The following ARMC10 variants were observed in gnomAD, a reference collection of about 807,000 sequenced individuals.
The protein encoded by ARMC10 is armadillo repeat-containing protein 10.
ARMC10 carries 23 observed loss-of-function variants against 30.2 expected under a neutral mutation model. That is an observed-to-expected ratio of 0.76 (90% CI 0.55 to 1.08). The LOEUF (loss-of-function observed/expected upper bound fraction) is 1.08. ARMC10 is among the 50% of genes least tolerant of loss of function. The pLI is 0.00. For missense variants in ARMC10, 303 were observed against 413.7 expected (o/e 0.73, Z 2.32); for synonymous variants, 111 against 164.4 (o/e 0.68, Z 2.48).
At chr7:103,086,987 G>T in intron 4 of ARMC10, 1 of 1,270,840 alleles carries the variant, frequency 7.9e-7, no homozygotes, top group Non-Finnish European at 1.0e-6. Flanking sequence ...TATTCTACAG[G>T]TTATCCTCTA....
chr7:103,078,079 G>A (rs1291021459), intron 2 of ARMC10, among the ~76,000 whole-genome samples: 3 of 151,938 alleles, frequency 2.0e-5, no homozygotes, highest in East Asian at 1.9e-4. Flanking sequence ...CACTGCAACC[G>A]CCACCTCATG....
At chr7:103,079,421 G>C (rs1180273536) in intron 2 of ARMC10, among the ~76,000 whole-genome samples, 4 of 152,192 alleles carry the variant, frequency 2.6e-5, no homozygotes, top group Non-Finnish European at 4.4e-5. Flanking sequence ...AGTTGATCAA[G>C]TACATCCATC....
At chr7:103,092,443 T>G in intron 4 of ARMC10, 34 bp from the exon 5 acceptor site, 3 of 1,504,530 alleles carry the variant, frequency 2.0e-6, no homozygotes, top group Non-Finnish European at 2.7e-6. Context: ...ATTTTGGAGA[T>G]TCTAAGATGC....
rs754872562 is a variant in ARMC10 at position 103,083,796 on chromosome 7, C to T, written c.359C>T (p.Thr120Ile). The change falls in exon 3 of 7, where the codon ACT (threonine) becomes ATT (isoleucine). Residue 120 changes from threonine to isoleucine, a missense_variant. Physicochemically the swap from Thr to Ile is moderately conservative, Grantham distance 89 (BLOSUM62 -1). Coordinates refer to ENST00000323716, the MANE Select transcript of ARMC10 (RefSeq NM_031905.5). ...GTAATTATTGAAAGAGCTTTGATTA[C>T]TTTGGGTAACAATGCAGCCTTTTCA... ...DPVIIERALI[T>I]LGNNAAFSVN... 6 of 1,614,094 alleles carry T rather than the reference C, an allele frequency of 3.7e-6. No individual in the cohort carries two copies. The Admixed American group carries it at 1.0e-4, about 27-fold the overall frequency.
chr7:103,086,543 A>G, intron 3 of ARMC10, 87 bp from the exon 4 acceptor site: 2 of 1,388,120 alleles, frequency 1.4e-6, no homozygotes, highest in Non-Finnish European at 1.9e-6. Context: ...TTGATTTTTA[A>G]TTGTATTTGT....
At chr7:103,076,600 G>A (rs986307231) in intron 2 of ARMC10, among the ~76,000 whole-genome samples, 6 of 152,224 alleles carry the variant, frequency 3.9e-5, no homozygotes, top group African/African-American at 1.4e-4. Flanking sequence ...ACTCTGGGAG[G>A]CCAAGGCAGG....
At position 103,099,103 on chromosome 7, in the gene ARMC10, A is replaced by G. The variant is rs1358940678; in HGVS notation, c.*550A>G. On this transcript the variant is annotated 3_prime_UTR_variant, in exon 7 of 7. Transcript: ENST00000323716. ...TCTTAGGACTCACCCACTCCATTCA[A>G]TGTTATATATAAAATAGTGTGATCA... 2 of 48,576 alleles carry G rather than the reference A, an allele frequency of 4.1e-5. No homozygotes were observed. The highest frequency in any genetic ancestry group is 7.0e-4 in the East Asian group (1 of 1,432). The allele number at this position is 48,576 out of a possible 1,614,324, so 3.0% of individuals were successfully genotyped here.
intron 2 of ARMC10, among the ~76,000 whole-genome samples, chr7:103,076,351 G>A (rs1799818618): frequency 6.6e-6 from 1 of 152,070 alleles, no homozygotes; most frequent in Non-Finnish European, 1.5e-5. Context: ...TTTATCCAGA[G>A]GAAAAATAAA....
intron 4 of ARMC10, chr7:103,088,835 GA>G: frequency 6.1e-6 from 1 of 162,958 alleles, no homozygotes. Context: ...CTTGGTTGAG[GA>G]AAATAGAGTA....
intron 5 of ARMC10, among the ~76,000 whole-genome samples, chr7:103,095,197 C>T (rs1801660140): frequency 1.3e-5 from 2 of 152,112 alleles, no homozygotes. Flanking sequence ...AGCTTCCAGG[C>T]TCAAACAATC....
intron 2 of ARMC10, among the ~76,000 whole-genome samples, chr7:103,081,170 G>C (rs1490837423): frequency 6.6e-6 from 1 of 152,124 alleles, no homozygotes; most frequent in African/African-American, 2.4e-5. Context: ...CTCTTACCTG[G>C]TAAGTAGCTT....
chr7:103,080,604 A>G (rs1365497828), intron 2 of ARMC10, among the ~76,000 whole-genome samples: 1 of 151,260 alleles, frequency 6.6e-6, no homozygotes, highest in East Asian at 2.0e-4. Flanking sequence ...GAATTAAAGT[A>G]TAGGCTCATT....
chr7:103,086,990 A>T, intron 4 of ARMC10: 1 of 1,237,014 alleles, frequency 8.1e-7, no homozygotes, highest in African/African-American at 1.5e-5. Flanking sequence ...TCTACAGGTT[A>T]TCCTCTACAT....
At chr7:103,093,912 T>C (rs1244282998) in intron 5 of ARMC10, among the ~76,000 whole-genome samples, 1 of 152,244 alleles carries the variant, frequency 6.6e-6, no homozygotes. Context: ...TATTTTTGTT[T>C]TGTTGTGTTG....
chr7:103,087,957 A>C (rs1434592940), intron 4 of ARMC10: 1 of 185,056 alleles, frequency 5.4e-6, no homozygotes, highest in African/African-American at 2.4e-5. Context: ...GACCCCCATC[A>C]CACAAACAGG....
chr7:103,081,461 T>C (rs1800373941), intron 2 of ARMC10, among the ~76,000 whole-genome samples: 1 of 152,188 alleles, frequency 6.6e-6, no homozygotes, highest in Non-Finnish European at 1.5e-5. Flanking sequence ...AACCTCTGCC[T>C]CCCAGGCTCA....
At chr7:103,078,099 G>A (rs1027866125) in intron 2 of ARMC10, among the ~76,000 whole-genome samples, 5 of 152,046 alleles carry the variant, frequency 3.3e-5, no homozygotes, top group African/African-American at 7.3e-5. Flanking sequence ...GGGTTCAAGC[G>A]ATTCTCTTGC....
At chr7:103,076,542 A>T (rs1799854162) in intron 2 of ARMC10, among the ~76,000 whole-genome samples, 1 of 152,186 alleles carries the variant, frequency 6.6e-6, no homozygotes, top group Non-Finnish European at 1.5e-5. Context: ...TTTCACTTTT[A>T]AAAAGATTTA....
chr7:103,075,230 C>G lies in ARMC10; in HGVS notation c.-43C>G. ...GACCTCCGCGCTGGCCCCCGCGAGC[C>G]TCCTGCCCTGGCCCGGCGCTGCGGC... On this transcript the variant is annotated 5_prime_UTR_variant, in exon 1 of 7. Coordinates refer to ENST00000323716, the MANE Select transcript of ARMC10 (RefSeq NM_031905.5). 2 of 1,150,910 alleles carry G rather than the reference C, an allele frequency of 1.7e-6. No homozygotes were observed. Among genetic ancestry groups the G allele is most frequent in the Non-Finnish European group, 2.1e-6 (2 of 936,406 alleles). 71.3% of individuals were successfully genotyped at this position (1,150,910 alleles called of 1,614,324 possible). A position where few individuals can be genotyped will look rare whatever the true frequency, so the allele number is the denominator to read the frequency against.
Sources: allele counts gnomAD v4.1 joint callset (sites outside exome capture counted in the v4.1 genomes callset), GRCh38; gene constraint gnomAD v4.1.1; transcripts MANE v1.5; gene names NCBI Gene and HGNC (gene_info 2026-07-23, HGNC 2026-07-21).